Variants in LRRC37A2 observed in about 807,000 individuals in gnomAD.
LRRC37A2 encodes leucine rich repeat containing 37 member A2, also known as leucine-rich repeat-containing protein 37A2.
Under a neutral mutation model 68.8 loss-of-function variants are expected in LRRC37A2, and 9 were observed. The observed-to-expected ratio is 0.13, with a 90% CI of 0.08 to 0.23. The LOEUF is 0.23. Among genes scored for constraint, LRRC37A2 ranks in the 10% least tolerant of loss-of-function variants. The probability of loss-of-function intolerance (pLI) is 1.00; values close to 1 mark genes in which losing one functional copy is unlikely to be tolerated. For synonymous variants in LRRC37A2, 63 were observed against 367.6 expected (o/e 0.17, Z 9.48); for missense variants, 168 against 950.4 (o/e 0.18, Z 10.82).
At chr17:46,818,075 G>A in the LRRC37A2 span, among the ~76,000 whole-genome samples, 3 of 152,030 alleles carry the variant, frequency 2.0e-5, no homozygotes, top group African/African-American at 7.3e-5. Flanking sequence ...TGATGGAGGC[G>A]CCGGCAGAGG....
At chr17:46,774,149 C>T in the LRRC37A2 span, among the ~76,000 whole-genome samples, 2 of 152,236 alleles carry the variant, frequency 1.3e-5, no homozygotes, top group East Asian at 1.9e-4. Context: ...CCGCAGAAGC[C>T]GCTTGTGGGG....
chr17:46,821,480 C>T, the LRRC37A2 span, among the ~76,000 whole-genome samples: 1 of 152,200 alleles, frequency 6.6e-6, no homozygotes, highest in Non-Finnish European at 1.5e-5. Context: ...CAGATAGAAA[C>T]ACCCTCTCTC....
chr17:46,865,113 G>C, the LRRC37A2 span, among the ~76,000 whole-genome samples: 1 of 152,208 alleles, frequency 6.6e-6, no homozygotes. Context: ...AGGGACAAAG[G>C]CTTCCTCTCC....
At chr17:46,862,239 TAA>T in the LRRC37A2 span, among the ~76,000 whole-genome samples, 25 of 148,522 alleles carry the variant, frequency 1.7e-4, no homozygotes, top group African/African-American at 5.4e-4. Context: ...GCAGAACAAA[TAA>T]ACTTAAAAAA....
chr17:46,703,811 C>G, the LRRC37A2 span, among the ~76,000 whole-genome samples: 1 of 146,488 alleles, frequency 6.8e-6, no homozygotes, highest in African/African-American at 2.5e-5. Flanking sequence ...CCATTCATCT[C>G]CAGACCTCTT....
At chr17:46,946,840 G>GT in the LRRC37A2 span, among the ~76,000 whole-genome samples, 2 of 152,238 alleles carry the variant, frequency 1.3e-5, no homozygotes, top group African/African-American at 4.8e-5. Flanking sequence ...TCTAGCCTGG[G>GT]TGACGAAATG....
At chr17:46,816,475 GCACACACA>G in the LRRC37A2 span, among the ~76,000 whole-genome samples, 2,196 of 144,300 alleles carry the variant, frequency 0.015, 48 homozygotes, top group African/African-American at 0.046. Flanking sequence ...CAGAACACAC[GCACACACA>G]CACACACACA....
At chr17:46,741,242 A>G in the LRRC37A2 span, among the ~76,000 whole-genome samples, 2 of 152,190 alleles carry the variant, frequency 1.3e-5, no homozygotes, top group Admixed American at 6.5e-5. Context: ...TGGGGGAATG[A>G]GGTAATCTTT....
chr17:47,021,215 T>C, the LRRC37A2 span, among the ~76,000 whole-genome samples: 3 of 151,948 alleles, frequency 2.0e-5, no homozygotes, highest in African/African-American at 7.3e-5. Context: ...GATTATTTTA[T>C]TTTGTTTTTT....
At chr17:46,852,384 G>A in the LRRC37A2 span, among the ~76,000 whole-genome samples, 252 of 143,286 alleles carry the variant, frequency 1.8e-3, no homozygotes, top group African/African-American at 6.5e-3. Flanking sequence ...AGAGTGAGAG[G>A]GCCCAGTGTG....
chr17:47,017,147 C>T, the LRRC37A2 span: 719 of 1,605,090 alleles, frequency 4.5e-4, 7 homozygotes, highest in East Asian at 0.015. Flanking sequence ...AAAGACAGGG[C>T]GGGACTCACG....
chr17:46,985,956 C>A, the LRRC37A2 span, among the ~76,000 whole-genome samples: 1 of 152,150 alleles, frequency 6.6e-6, no homozygotes, highest in African/African-American at 2.4e-5. Context: ...CCTCTGGTAC[C>A]CTAATCTGTA....
At chr17:46,908,353 G>C in the LRRC37A2 span, among the ~76,000 whole-genome samples, 1 of 152,188 alleles carries the variant, frequency 6.6e-6, no homozygotes, top group Admixed American at 6.5e-5. Flanking sequence ...AGGGTCCTGG[G>C]CGCTTCCCTT....
chr17:46,501,964 A>G, the LRRC37A2 span, among the ~76,000 whole-genome samples: 1 of 151,332 alleles, frequency 6.6e-6, no homozygotes, highest in Admixed American at 6.6e-5. Flanking sequence ...ATTACCTGTG[A>G]AATATTATTT....
At chr17:46,882,049 G>A in the LRRC37A2 span, among the ~76,000 whole-genome samples, 2 of 152,172 alleles carry the variant, frequency 1.3e-5, no homozygotes, top group African/African-American at 2.4e-5. Context: ...CCAGCGATTG[G>A]AGAGGCCGAG....
chr17:46,437,967 G>A, the LRRC37A2 span, among the ~76,000 whole-genome samples: 1 of 100,694 alleles, frequency 9.9e-6, no homozygotes, highest in Non-Finnish European at 2.3e-5. Flanking sequence ...GTTACTAGAC[G>A]TCTCTTTCTG....
chr17:46,871,199 G>A, the LRRC37A2 span, among the ~76,000 whole-genome samples: 1 of 152,104 alleles, frequency 6.6e-6, no homozygotes, highest in African/African-American at 2.4e-5. Context: ...GAGCCACTGT[G>A]CCCAGCCCAC....
chr17:46,780,479 G>A, the LRRC37A2 span, among the ~76,000 whole-genome samples: 5 of 152,224 alleles, frequency 3.3e-5, no homozygotes, highest in Admixed American at 3.3e-4. Context: ...CCTGGTATAC[G>A]CCCAAAAGAA....
the LRRC37A2 span, among the ~76,000 whole-genome samples, chr17:46,925,561 A>G: frequency 6.6e-6 from 1 of 152,200 alleles, no homozygotes; most frequent in Admixed American, 6.5e-5. Flanking sequence ...GGCTGGTTAA[A>G]CTGTAAGGCT....
Sources: allele counts gnomAD v4.1 joint callset (sites outside exome capture counted in the v4.1 genomes callset), GRCh38; gene constraint gnomAD v4.1.1; transcripts MANE v1.5; gene names NCBI Gene and HGNC (gene_info 2026-07-23, HGNC 2026-07-21).